Variants in NPTN observed in about 807,000 individuals in gnomAD.
The protein encoded by NPTN is neuroplastin, also known as SDR-1.
A neutral mutation model predicts 42.7 loss-of-function variants in NPTN; 5 were observed. That is an observed-to-expected ratio of 0.12 (90% CI 0.06 to 0.25). The LOEUF is 0.25. Among genes scored for constraint, NPTN ranks in the 10% least tolerant of loss-of-function variants. NPTN has a pLI of 1.00. For synonymous variants in NPTN, 180 were observed against 201.9 expected (o/e 0.89, Z 0.92); for missense variants, 307 against 525.4 (o/e 0.58, Z 4.06).
Position 73,573,730 on chromosome 15 carries a change from A to T in NPTN, c.772T>A (p.Tyr258Asn). The T allele has an allele frequency of 6.3e-7, 1 of 1,596,594 alleles. No individual in the cohort carries two copies. Among genetic ancestry groups the T allele is most frequent in the Non-Finnish European group, 8.5e-7 (1 of 1,172,624 alleles). Residue 258 changes from tyrosine to asparagine, a missense_variant, in exon 5 of 9, where the codon TAT becomes AAT. Around this residue, in one of 2 missense-constraint regions of NPTN, gnomAD observed 264 missense variants for 491.1 expected, o/e 0.54. Coordinates refer to ENST00000345330, the MANE Select transcript of NPTN (RefSeq NM_012428.4). Reference protein sequence around the residue: ...NKNEGQDATMYCKSVGYPHPD... With the variant: ...NKNEGQDATMNCKSVGYPHPD... Reference sequence around the variant, plus strand: ...TGGGGGTAGCCAACTGACTTGCAATACATAGTGGCATCCTGCCCTTCATTC... The same window carrying T: ...TGGGGGTAGCCAACTGACTTGCAATTCATAGTGGCATCCTGCCCTTCATTC...
intron 1 of NPTN, among the ~76,000 whole-genome samples, chr15:73,601,002 G>A (rs533455701): frequency 6.6e-6 from 1 of 152,322 alleles, no homozygotes; most frequent in African/African-American, 2.4e-5. Flanking sequence ...GTAGTCAGGA[G>A]CCAAATTAAT....
chr15:73,575,503 T>C (rs1032617014), intron 4 of NPTN, among the ~76,000 whole-genome samples: 1 of 152,266 alleles, frequency 6.6e-6, no homozygotes, highest in Non-Finnish European at 1.5e-5. Flanking sequence ...TCGATATGCC[T>C]TGGTCCCAAT....
chr15:73,587,680 A>C (rs1020005256), intron 3 of NPTN, 62 bp from the exon 4 acceptor site: 1 of 1,245,812 alleles, frequency 8.0e-7, no homozygotes, highest in Non-Finnish European at 1.2e-6. Context: ...ATAAAACAGA[A>C]GGAGAATCAA....
intron 3 of NPTN, among the ~76,000 whole-genome samples, chr15:73,588,043 C>G (rs933737722): frequency 2.0e-5 from 3 of 152,110 alleles, no homozygotes; most frequent in African/African-American, 7.2e-5. Flanking sequence ...AGTTCAAGAC[C>G]AGCCTGGCCA....
At chr15:73,600,387 T>C (rs1222483747) in intron 1 of NPTN, among the ~76,000 whole-genome samples, 1 of 152,260 alleles carries the variant, frequency 6.6e-6, no homozygotes, top group East Asian at 1.9e-4. Context: ...TGACATTTTC[T>C]AAGTATGCAT....
chr15:73,592,450 C>T (rs1027877417), intron 2 of NPTN, among the ~76,000 whole-genome samples: 2 of 152,162 alleles, frequency 1.3e-5, no homozygotes, highest in African/African-American at 2.4e-5. Flanking sequence ...ATAAGAACCA[C>T]CAAACAATTC....
intron 2 of NPTN, among the ~76,000 whole-genome samples, chr15:73,592,826 T>C (rs992368623): frequency 1.3e-5 from 2 of 152,156 alleles, no homozygotes; most frequent in African/African-American, 4.8e-5. Context: ...CACATTCCAT[T>C]CTGAGAAAAT....
At chr15:73,586,268 C>T (rs1896314975) in intron 4 of NPTN, among the ~76,000 whole-genome samples, 1 of 152,220 alleles carries the variant, frequency 6.6e-6, no homozygotes, top group Non-Finnish European at 1.5e-5. Context: ...AAAGCCCTCA[C>T]TGGCTTAGAG....
chr15:73,618,617 T>C (rs1226726211), intron 1 of NPTN, among the ~76,000 whole-genome samples: 1 of 152,196 alleles, frequency 6.6e-6, no homozygotes, highest in Non-Finnish European at 1.5e-5. Context: ...GGCTCAAGCC[T>C]GTAATCCCAA....
chr15:73,565,736 G>A (rs1408081565), intron 6 of NPTN: 1 of 456,426 alleles, frequency 2.2e-6, no homozygotes, highest in South Asian at 1.5e-5. Context: ...GAAACAAGAT[G>A]CTTCTGGAAT....
chr15:73,622,524 G>A (rs187415177), intron 1 of NPTN, among the ~76,000 whole-genome samples: 1 of 147,296 alleles, frequency 6.8e-6, no homozygotes, highest in South Asian at 2.1e-4. Flanking sequence ...AAAGCCTGAC[G>A]CCCTCAGCCC....
At chr15:73,589,853 A>T (rs1464077098) in intron 3 of NPTN, among the ~76,000 whole-genome samples, 3 of 151,964 alleles carry the variant, frequency 2.0e-5, no homozygotes, top group Non-Finnish European at 4.4e-5. Flanking sequence ...CCTCTTCTTA[A>T]ATCATTATGC....
chr15:73,569,099 AC>A lies in NPTN; in HGVS notation c.1114+1050del, dbSNP rs147935346. On this transcript the variant is annotated intron_variant, in intron 6 of 8. Transcript: ENST00000345330. The surrounding 1 kb of genome is among the most constrained non-coding windows in gnomAD (Gnocchi z 4.1). Reference sequence around the variant, plus strand: ...GACTACAGCTGGCAACCCCACCATCACCCCGGGTAGGCTACCACTGAGCCCA... The same window carrying A: ...GACTACAGCTGGCAACCCCACCATCACCCGGGTAGGCTACCACTGAGCCCA... 0.014 allele frequency: 13,772 copies of A among 985,486 alleles called. 103 individuals carry two copies. The highest frequency in any genetic ancestry group is 0.016 in the Non-Finnish European group (13,068 of 830,170). 61.0% of individuals were successfully genotyped at this position (985,486 alleles called of 1,614,324 possible). A position where few individuals can be genotyped will look rare whatever the true frequency, so the allele number is the denominator to read the frequency against.
At chr15:73,615,779 G>C (rs187157472) in intron 1 of NPTN, among the ~76,000 whole-genome samples, 1 of 152,170 alleles carries the variant, frequency 6.6e-6, no homozygotes, top group East Asian at 1.9e-4. Context: ...TAGTAAACTG[G>C]AACTTGGCAG....
chr15:73,561,195 C>T (rs1304916592), intron 8 of NPTN, 147 bp from the exon 9 acceptor site: 2 of 152,254 alleles, frequency 1.3e-5, no homozygotes, highest in African/African-American at 4.8e-5. Context: ...AACAAGATGA[C>T]ATTCTGGCCC....
intron 1 of NPTN, among the ~76,000 whole-genome samples, chr15:73,615,626 A>G (rs1388076797): frequency 1.3e-5 from 2 of 152,202 alleles, no homozygotes; most frequent in Non-Finnish European, 2.9e-5. Flanking sequence ...CTCTGTCATC[A>G]AGGTTAACAG....
At chr15:73,600,058 C>A (rs1351557038) in intron 1 of NPTN, among the ~76,000 whole-genome samples, 2 of 152,182 alleles carry the variant, frequency 1.3e-5, no homozygotes, top group African/African-American at 4.8e-5. Context: ...GTCCTAATAA[C>A]ACACAAGTCA....
intron 4 of NPTN, among the ~76,000 whole-genome samples, chr15:73,580,469 TTATATATACATAAATA>T (rs1171036052): frequency 2.4e-4 from 33 of 135,248 alleles, no homozygotes; most frequent in Admixed American, 1.4e-3. Flanking sequence ...CAAAATATAT[TTATATATACATAAATA>T]TATATATACA....
chr15:73,586,040 A>T (rs1008289543), intron 4 of NPTN, among the ~76,000 whole-genome samples: 1 of 152,238 alleles, frequency 6.6e-6, no homozygotes, highest in African/African-American at 2.4e-5. Flanking sequence ...GCTTTTTAGA[A>T]ATCATTAACT....
Sources: gnomAD v4.1 joint callset for allele counts (sites outside exome capture counted in the v4.1 genomes callset) on GRCh38, gnomAD v4.1.1 for gene constraint, gnomAD v4.1.1 regional missense constraint, Gnocchi (gnomAD v3.1) non-coding constraint, MANE v1.5 for transcripts, NCBI Gene and HGNC (gene_info 2026-07-23, HGNC 2026-07-21) for gene names.